The following CT45A1 variants were observed in gnomAD, a reference collection of about 807,000 sequenced individuals.
The protein encoded by CT45A1 is cancer/testis antigen family 45 member A1, also known as cancer/testis antigen 45-1.
upstream of CT45A1, among the ~76,000 whole-genome samples, chrX:135,712,005 T>C (rs1472029078): frequency 9.2e-6 from 1 of 108,838 alleles, no homozygotes; most frequent in African/African-American, 3.4e-5. Context: ...CACTTGAACC[T>C]GGGAGGCGGA....
chrX:135,716,540 T>C (rs2087989759), intron 1 of CT45A1, among the ~76,000 whole-genome samples: 1 of 111,594 alleles, frequency 9.0e-6, no homozygotes, highest in Non-Finnish European at 1.9e-5. Context: ...TATGTATATA[T>C]GTGTGTAAGT....
rs782316140 is a variant in CT45A1, at chrX:135,713,757, G to C, written c.-7+67G>C. 35 of 679,219 alleles carry C rather than the reference G, an allele frequency of 5.2e-5. 1 individual carries two copies. Among genetic ancestry groups the C allele is most frequent in the Middle Eastern group, 8.5e-4 (1 of 1,182 alleles). The allele number at this position is 679,219 out of a possible 1,213,427, so 56.0% of individuals were successfully genotyped here. On this transcript the variant is annotated intron_variant, in intron 1 of 4. Transcript: ENST00000594565. ...ATGCTTTAATTTCACCCCAGAAAGT[G>C]TCCTTTTTCCTCAGAAAGAGTCTTT...
upstream of CT45A1, among the ~76,000 whole-genome samples, chrX:135,713,291 A>T (rs1556570240): frequency 9.9e-6 from 1 of 101,282 alleles, no homozygotes; most frequent in Non-Finnish European, 2.0e-5. Context: ...ATTTCATCCC[A>T]CTGTGTGAGA....
rs1460465677 is a variant in CT45A1, at chrX:135,715,563, ATACT to A, written c.-7+1876_-7+1879del. On this transcript the variant is annotated intron_variant, in intron 1 of 4. Transcript: ENST00000594565. ...TATATATAATACTTATATGTATATA[ATACT>A]TATATATATAATACTTATAGGTATA... Among the ~76,000 whole-genome samples the A allele has an allele frequency of 1.1e-4, 10 of 88,594 alleles. No individual in the cohort carries two copies. In the East Asian group the frequency reaches 2.7e-3, roughly 24 times the overall value. The allele number at this position is 88,594 out of a possible 115,157, so 76.9% of individuals were successfully genotyped here. A position where few individuals can be genotyped will look rare whatever the true frequency, so the allele number is the denominator to read the frequency against.
chrX:135,712,529 T>C (rs1556569891), upstream of CT45A1, among the ~76,000 whole-genome samples: 1 of 109,269 alleles, frequency 9.2e-6, no homozygotes, highest in East Asian at 2.8e-4. Flanking sequence ...TATTTATTTA[T>C]TTATTTATTT....
upstream of CT45A1, among the ~76,000 whole-genome samples, chrX:135,711,710 C>G (rs1556569591): frequency 2.7e-5 from 3 of 111,961 alleles, no homozygotes; most frequent in African/African-American, 6.5e-5. Flanking sequence ...ATTAAAACTC[C>G]AAAACTTTCG....
chrX:135,708,742 G>A (rs2087920099), upstream of CT45A1, among the ~76,000 whole-genome samples: 1 of 111,571 alleles, frequency 9.0e-6, no homozygotes, highest in South Asian at 3.8e-4. Flanking sequence ...ATCTTGACAT[G>A]CCAGACTACT....
upstream of CT45A1, chrX:135,713,578 G>A (rs1261874357): frequency 1.2e-4 from 90 of 735,784 alleles, no homozygotes; most frequent in South Asian, 1.4e-3. Flanking sequence ...GTGCCCTAGG[G>A]GGCACATTTC....
intron 1 of CT45A1, among the ~76,000 whole-genome samples, chrX:135,714,219 G>A (rs1308209748): frequency 2.7e-5 from 3 of 109,589 alleles, no homozygotes; most frequent in Admixed American, 9.8e-5. Context: ...TGCTGATGTC[G>A]TCCGTGAGGC....
chrX:135,716,955 G>T (rs1481788057), intron 1 of CT45A1, among the ~76,000 whole-genome samples: 3 of 111,106 alleles, frequency 2.7e-5, no homozygotes, highest in African/African-American at 9.8e-5. Context: ...CTCTTCCCTT[G>T]GTGTATTTGC....
At position 135,714,061 on chromosome X, in the gene CT45A1, C is replaced by T. The variant is rs111729607; in HGVS notation, c.-7+371C>T. On this transcript the variant is annotated intron_variant, in intron 1 of 4. Coordinates refer to ENST00000594565, the MANE Select transcript of CT45A1 (RefSeq NM_001017417.3). ...CGGTGCTGTTTCTTTCCCACTCAGT[C>T]GCAGTCCTGAGCGGGGGCTCTGCCT... 1.1e-3 allele frequency among the ~76,000 whole-genome samples: 119 copies of T among 107,187 alleles called. No individual in the cohort carries two copies. The East Asian group carries it at 0.029, about 26-fold the overall frequency. The allele number at this position is 107,187 out of a possible 115,157, so 93.1% of individuals were successfully genotyped here.
intron 1 of CT45A1, among the ~76,000 whole-genome samples, chrX:135,718,590 A>C (rs2088012544): frequency 9.0e-6 from 1 of 110,791 alleles, no homozygotes; most frequent in African/African-American, 3.3e-5. Context: ...AGATTGGTTT[A>C]TACAGCTATT....
At chrX:135,712,204 T>TTC (rs1320626192), upstream of CT45A1, among the ~76,000 whole-genome samples, 1 of 97,122 alleles carries the variant, frequency 1.0e-5, no homozygotes, top group Non-Finnish European at 2.1e-5. Context: ...TTTTTTTTTT[T>TTC]AGACAGTCTC....
rs192437076 is a variant in CT45A1 at position 135,717,202 on chromosome X, G to T, written c.-6-1733G>T. On this transcript the variant is annotated intron_variant, in intron 1 of 4. Transcript: ENST00000594565. ...ACATGGTGGAATTTTAAATATGATT[G>T]CTAGGATCATTCTGAGAGACTTGAC... is the stretch of plus-strand genomic sequence containing the variant. Among the ~76,000 whole-genome samples, 112 of 111,703 alleles carry T rather than the reference G, an allele frequency of 1.0e-3. No homozygotes were observed. In the East Asian group the frequency reaches 0.014, roughly 14 times the overall value.
At chrX:135,717,046 A>G (rs1411887656) in intron 1 of CT45A1, among the ~76,000 whole-genome samples, 3 of 111,315 alleles carry the variant, frequency 2.7e-5, no homozygotes, top group African/African-American at 9.8e-5. Flanking sequence ...GTATCTACTA[A>G]CTTAGTTCTT....
upstream of CT45A1, among the ~76,000 whole-genome samples, chrX:135,711,354 A>C (rs1556569494): frequency 2.7e-5 from 3 of 112,370 alleles, no homozygotes; most frequent in Non-Finnish European, 1.9e-5. Flanking sequence ...GCAAATATTA[A>C]TACAATAGGC....
At chrX:135,718,174 T>C (rs1336796922) in intron 1 of CT45A1, among the ~76,000 whole-genome samples, 2 of 109,987 alleles carry the variant, frequency 1.8e-5, no homozygotes, top group East Asian at 5.6e-4. Flanking sequence ...TTTGTTGCTG[T>C]TGTTGTTGTT....
chrX:135,715,523 T>C (rs1185122693), intron 1 of CT45A1, among the ~76,000 whole-genome samples: 5 of 83,646 alleles, frequency 6.0e-5, no homozygotes. Context: ...ATAATACTTA[T>C]AGGTATATAA....
At chrX:135,713,964 A>T (rs1421809292) in intron 1 of CT45A1, among the ~76,000 whole-genome samples, 1 of 99,278 alleles carries the variant, frequency 1.0e-5, no homozygotes, top group Admixed American at 1.1e-4. Context: ...GATGCTAGGG[A>T]CTTTTCCTAC....
Sources: gnomAD v4.1 joint callset for allele counts (sites outside exome capture counted in the v4.1 genomes callset) on GRCh38, gnomAD v4.1.1 for gene constraint, MANE v1.5 for transcripts, NCBI Gene and HGNC (gene_info 2026-07-23, HGNC 2026-07-21) for gene names.